Variants in WDR43 observed in about 807,000 individuals in gnomAD.
The protein encoded by WDR43 is WD repeat domain 43, also known as WD repeat-containing protein 43.
Under a neutral mutation model 91.4 loss-of-function variants are expected in WDR43, and 13 were observed. The observed-to-expected ratio is 0.14, with a 90% CI of 0.09 to 0.23. The LOEUF (loss-of-function observed/expected upper bound fraction) is 0.23. Ranked by LOEUF, WDR43 falls within the 10% of genes least tolerant of loss-of-function variation. The pLI, the probability that WDR43 is intolerant of heterozygous loss-of-function variation, is 1.00. For missense variants in WDR43, 780 were observed against 809.4 expected (o/e 0.96, Z 0.44); for synonymous variants, 331 against 287.9 (o/e 1.15, Z -1.51).
intron 14 of WDR43, among the ~76,000 whole-genome samples, chr2:28,939,964 G>A (rs554918323): frequency 7.9e-5 from 12 of 151,892 alleles, no homozygotes; most frequent in South Asian, 2.1e-4. Flanking sequence ...AAAATTAGCC[G>A]AGCGTGATGG....
chr2:28,896,308 C>G (rs1002590735), intron 1 of WDR43, among the ~76,000 whole-genome samples: 2 of 152,000 alleles, frequency 1.3e-5, no homozygotes, highest in African/African-American at 4.8e-5. Flanking sequence ...GGTAATTGCC[C>G]CTCTGGTTCC....
intron 1 of WDR43, among the ~76,000 whole-genome samples, chr2:28,896,318 CTCA>C (rs1177070616): frequency 6.6e-6 from 1 of 152,104 alleles, no homozygotes; most frequent in Non-Finnish European, 1.5e-5. Context: ...CCTCTGGTTC[CTCA>C]TTTATGAAAT....
At chr2:28,924,833 A>C in intron 7 of WDR43, 149 bp from the exon 8 acceptor site, 1 of 790,236 alleles carries the variant, frequency 1.3e-6, no homozygotes, top group African/African-American at 1.7e-5. Context: ...TCTTGAAAGG[A>C]GTACTCATGC....
rs534926869 is a variant in WDR43, at chr2:28,936,786, A to G, written c.1525-136A>G. ...TTACTCTGATTATGGGAATGTATTC[A>G]TAGACTGTATTATGCGGTTTAAAAT... On this transcript the variant is annotated intron_variant, in intron 12 of 17. Transcript: ENST00000407426. 1.0e-5 allele frequency: 8 copies of G among 784,092 alleles called. No individual in the cohort carries two copies. The Admixed American group carries it at 1.1e-4, about 11-fold the overall frequency. The allele number at this position is 784,092 out of a possible 1,614,324, so 48.6% of individuals were successfully genotyped here.
At chr2:28,945,438 T>C (rs915818248) in intron 16 of WDR43, among the ~76,000 whole-genome samples, 2 of 152,202 alleles carry the variant, frequency 1.3e-5, no homozygotes, top group African/African-American at 2.4e-5. Context: ...TGAAGACTCT[T>C]TTTAGTCTTT....
chr2:28,911,820 C>A (rs557894980), intron 3 of WDR43, among the ~76,000 whole-genome samples: 1 of 151,336 alleles, frequency 6.6e-6, no homozygotes, highest in African/African-American at 2.4e-5. Flanking sequence ...GTCAGGGTCT[C>A]GCTGTATTGC....
At chr2:28,933,816 A>G (rs962725712) in intron 11 of WDR43, among the ~76,000 whole-genome samples, 18 of 152,264 alleles carry the variant, frequency 1.2e-4, no homozygotes, top group African/African-American at 4.3e-4. Flanking sequence ...GTTGATAAAA[A>G]TGCGAAAGAC....
At position 28,936,959 on chromosome 2, in the gene WDR43, A is replaced by T. The variant is rs1403154590; in HGVS notation, c.1556+6A>T. ...TTACAAGGACATCCTAATAGGTAAG[A>T]TTAAACAGGTGACTTAAAAACAGTG... On this transcript the variant is annotated splice_donor_region_variant and intron_variant, in intron 13 of 17. Transcript: ENST00000407426. 6.4e-7 allele frequency: 1 copy of T among 1,568,388 alleles called. No homozygotes were observed. Among genetic ancestry groups the T allele is most frequent in the Non-Finnish European group, 8.7e-7 (1 of 1,155,182 alleles).
At chr2:28,931,002 T>C (rs747648231) in intron 11 of WDR43, among the ~76,000 whole-genome samples, 1 of 152,056 alleles carries the variant, frequency 6.6e-6, no homozygotes, top group Non-Finnish European at 1.5e-5. Context: ...CTCAAAAAAG[T>C]AATTCTTTAA....
rs190158310 is a variant in WDR43, at chr2:28,932,181, A to G, written c.1437+2471A>G. ...AGCCCTTTCAGAAAATTTTTATTCT[A>G]TTGATTGATTGATCGATTGTCGCCC... is the stretch of plus-strand genomic sequence containing the variant. On this transcript the variant is annotated intron_variant, in intron 11 of 17. Transcript: ENST00000407426. Among the ~76,000 whole-genome samples, 213 of 151,978 alleles carry G rather than the reference A, an allele frequency of 1.4e-3. 1 individual carries two copies. Among genetic ancestry groups the G allele is most frequent in the Non-Finnish European group, 2.5e-3 (169 of 67,956 alleles).
intron 6 of WDR43, among the ~76,000 whole-genome samples, chr2:28,919,208 T>C (rs1204435028): frequency 6.6e-6 from 1 of 152,130 alleles, no homozygotes; most frequent in Non-Finnish European, 1.5e-5. Flanking sequence ...TAGTGAGCTA[T>C]GATCCTGCCA....
chr2:28,907,622 A>T (rs1366512253), intron 3 of WDR43, among the ~76,000 whole-genome samples: 2 of 146,520 alleles, frequency 1.4e-5, no homozygotes, highest in Non-Finnish European at 3.0e-5. Flanking sequence ...CAAAAAAAAA[A>T]AGGCTGGGCT....
chr2:28,905,538 T>C (rs1430195529), intron 2 of WDR43, among the ~76,000 whole-genome samples: 1 of 152,258 alleles, frequency 6.6e-6, no homozygotes, highest in Non-Finnish European at 1.5e-5. Flanking sequence ...GAGGATATTT[T>C]TGACTATACT....
In WDR43 at chr2:28,923,019, C is replaced by A. The variant is rs1175322416; in HGVS notation, c.914+36C>A. ...AATTTTCCAAGTAAGAAATTTGTTTCTTTCCCTGACTTGTTACTTGGTCAT... is the reference window on the plus strand; with the variant it reads ...AATTTTCCAAGTAAGAAATTTGTTTATTTCCCTGACTTGTTACTTGGTCAT... On this transcript the variant is annotated intron_variant, in intron 7 of 17. Coordinates refer to ENST00000407426, the MANE Select transcript of WDR43 (RefSeq NM_015131.3). The A allele has an allele frequency of 7.7e-6, 12 of 1,561,616 alleles. No homozygotes were observed. In the Admixed American group the frequency reaches 1.6e-4, roughly 20 times the overall value.
At chr2:28,921,102 AAAG>A (rs1451038203) in intron 6 of WDR43, among the ~76,000 whole-genome samples, 1 of 151,382 alleles carries the variant, frequency 6.6e-6, no homozygotes, top group African/African-American at 2.4e-5. Context: ...TATTGATAAT[AAAG>A]AAGGGAGCAG....
intron 5 of WDR43, among the ~76,000 whole-genome samples, chr2:28,917,347 A>ATAT (rs1670930732): frequency 6.6e-6 from 1 of 152,186 alleles, no homozygotes; most frequent in Non-Finnish European, 1.5e-5. Flanking sequence ...ATATGTGTGT[A>ATAT]TATATAGGTC....
rs1020463633 is a variant in WDR43 at position 28,946,587 on chromosome 2, G to T, written c.1855-13G>T. 6.4e-7 allele frequency: 1 copy of T among 1,564,196 alleles called. No individual in the cohort carries two copies. The highest frequency in any genetic ancestry group is 8.7e-7 in the Non-Finnish European group (1 of 1,152,728). ...ACCTTCATGAATGCTTTCCTTGTTG[G>T]TATTTCGACTAGGATAATTGGGATG... On this transcript the variant is annotated splice_polypyrimidine_tract_variant and intron_variant, in intron 17 of 17. Transcript: ENST00000407426.
At chr2:28,938,643 T>C (rs1671379640) in intron 14 of WDR43, among the ~76,000 whole-genome samples, 2 of 152,204 alleles carry the variant, frequency 1.3e-5, no homozygotes, top group Non-Finnish European at 2.9e-5. Flanking sequence ...AAATCCTGAA[T>C]TGTTCTTTAA....
chr2:28,934,402 A>C (rs891161929), intron 11 of WDR43, among the ~76,000 whole-genome samples: 1 of 152,156 alleles, frequency 6.6e-6, no homozygotes, highest in Non-Finnish European at 1.5e-5. Context: ...GTACACTTTA[A>C]ATATATGGTG....
Sources: allele counts gnomAD v4.1 joint callset (sites outside exome capture counted in the v4.1 genomes callset), GRCh38; gene constraint gnomAD v4.1.1; transcripts MANE v1.5; gene names NCBI Gene and HGNC (gene_info 2026-07-23, HGNC 2026-07-21).